The following PAPOLA variants were observed in gnomAD, a reference collection of about 807,000 sequenced individuals.
PAPOLA encodes poly(A) polymerase alpha, also known as polynucleotide adenylyltransferase alpha.
PAPOLA carries 15 observed loss-of-function variants against 100.6 expected under a neutral mutation model. That is an observed-to-expected ratio of 0.15 (90% CI 0.10 to 0.23). PAPOLA has a LOEUF of 0.23. Ranked by LOEUF, PAPOLA falls within the 10% of genes least tolerant of loss-of-function variation. The pLI is 1.00. For synonymous variants in PAPOLA, 293 were observed against 300.0 expected (o/e 0.98, Z 0.24); for missense variants, 533 against 884.2 (o/e 0.60, Z 5.04).
chr14:96,551,204 T>C (rs1291487457), intron 16 of PAPOLA, among the ~76,000 whole-genome samples: 1 of 152,244 alleles, frequency 6.6e-6, no homozygotes, highest in Non-Finnish European at 1.5e-5. Flanking sequence ...AGATAAACTT[T>C]CACAGTTTAT....
chr14:96,510,210 T>C (rs1897017647), intron 1 of PAPOLA, among the ~76,000 whole-genome samples: 2 of 152,166 alleles, frequency 1.3e-5, no homozygotes, highest in Non-Finnish European at 2.9e-5. Context: ...AAGAATAGTG[T>C]TTGTCATTTT....
chr14:96,519,592 CT>C (rs1483548263), intron 1 of PAPOLA, among the ~76,000 whole-genome samples: 2 of 152,156 alleles, frequency 1.3e-5, no homozygotes, highest in South Asian at 4.1e-4. Flanking sequence ...ATATTCAGTT[CT>C]TTCCCTTCAA....
intron 20 of PAPOLA, 124 bp from the exon 21 acceptor site, chr14:96,562,695 A>G: frequency 1.6e-6 from 1 of 607,640 alleles, no homozygotes; most frequent in Non-Finnish European, 3.0e-6. Context: ...TAATGTAGTC[A>G]CATCTTTCTC....
intron 17 of PAPOLA, among the ~76,000 whole-genome samples, chr14:96,555,029 C>T (rs564810012): frequency 8.6e-5 from 13 of 151,752 alleles, no homozygotes; most frequent in Non-Finnish European, 1.3e-4. Context: ...AGAGAAACTT[C>T]GGGGGAGTAA....
intron 7 of PAPOLA, chr14:96,531,980 G>A (rs1349317749): frequency 8.0e-7 from 1 of 1,243,606 alleles, no homozygotes; most frequent in Non-Finnish European, 1.0e-6. Context: ...TTGTTACTGT[G>A]CTCTTGAAGA....
At chr14:96,506,144 C>A (rs1896701119) in intron 1 of PAPOLA, among the ~76,000 whole-genome samples, 1 of 151,952 alleles carries the variant, frequency 6.6e-6, no homozygotes, top group Non-Finnish European at 1.5e-5. Flanking sequence ...CCTCGTGATC[C>A]CCCCCCACCT....
chr14:96,552,798 T>A, intron 17 of PAPOLA, 176 bp downstream of exon 17: 1 of 580,476 alleles, frequency 1.7e-6, no homozygotes, highest in Non-Finnish European at 3.0e-6. Context: ...TGGTTTTGTC[T>A]TGTCATACTT....
Position 96,555,877 on chromosome 14 carries a change from A to C in PAPOLA, c.1695A>C (p.Ala565=). The stretch of plus-strand genomic sequence containing the variant: ...ACAGTCCTGCTCCAGCTGTAACAGC[A>C]GCATCTGTGACCAACATACAGGCTA... ...GRNSPAPAVT[A]ASVTNIQATE... The change falls in exon 18 of 22, where the codon GCA becomes GCC. Residue 565 remains alanine (A), a synonymous_variant. Transcript: ENST00000216277. 1 of 1,608,234 alleles carries C rather than the reference A, an allele frequency of 6.2e-7. No individual in the cohort carries two copies. The highest frequency in any genetic ancestry group is 8.5e-7 in the Non-Finnish European group (1 of 1,175,530).
At chr14:96,555,778 T>C (rs1217204447) in intron 17 of PAPOLA, 69 bp from the exon 18 acceptor site, 13 of 769,478 alleles carry the variant, frequency 1.7e-5, no homozygotes, top group Non-Finnish European at 2.7e-5. Context: ...ATGTTATAGA[T>C]TATTGTAATT....
chr14:96,536,988 CAG>C lies in PAPOLA; in HGVS notation c.1045_1046del (p.Asp349Ter). The C allele has an allele frequency of 6.3e-7, 1 of 1,594,126 alleles. No homozygotes were observed. The highest frequency in any genetic ancestry group is 8.6e-7 in the Non-Finnish European group (1 of 1,162,008). ...GTTTTTAATTTAGGTCTTGCTATCA[CAG>C]ATGAAATTTTGCTGAGTAAGGCAGA... On this transcript the variant is annotated frameshift_variant, in exon 12 of 22. Coordinates refer to ENST00000216277, the MANE Select transcript of PAPOLA (RefSeq NM_032632.5). LOFTEE classifies it high-confidence loss of function.
intron 19 of PAPOLA, among the ~76,000 whole-genome samples, chr14:96,559,016 A>ATT (rs753986932): frequency 1.3e-4 from 17 of 131,374 alleles, no homozygotes; most frequent in Admixed American, 1.5e-4. Context: ...TTTCCCTGTA[A>ATT]TTTTTTTTTT....
chr14:96,556,354 G>T lies in PAPOLA; in HGVS notation c.1945G>T (p.Val649Phe), dbSNP rs1229720764. Residue 649 changes from valine (V) to phenylalanine (F), a missense_variant, in exon 19 of 22, where the codon GTC becomes TTC. Val to Phe is a conservative substitution (Grantham distance 50). Transcript: ENST00000216277. ...AAAAATACCTACTCCTATAGTAGGA[G>T]TCAAGAGGACATCCTCACCTCATAA... ...ATKIPTPIVG[V>F]KRTSSPHKEE... 1.2e-6 allele frequency: 2 copies of T among 1,613,828 alleles called. No homozygotes were observed. The highest frequency in any genetic ancestry group is 2.7e-5 in the African/African-American group (2 of 74,902).
intron 17 of PAPOLA, chr14:96,552,851 G>T: frequency 2.0e-6 from 1 of 490,608 alleles, no homozygotes; most frequent in Non-Finnish European, 3.7e-6. Context: ...AGTCAGATGT[G>T]AATGAATGTT....
At chr14:96,503,516 T>A (rs1164924232) in intron 1 of PAPOLA, among the ~76,000 whole-genome samples, 2 of 149,444 alleles carry the variant, frequency 1.3e-5, no homozygotes, top group Admixed American at 1.3e-4. Context: ...AGATTACGGA[T>A]TTTTTTTTTC....
intron 4 of PAPOLA, chr14:96,527,114 A>G (rs996594753): frequency 3.5e-6 from 1 of 282,742 alleles, no homozygotes; most frequent in South Asian, 6.6e-5. Context: ...GGCTATGACT[A>G]ATGACATCAA....
intron 7 of PAPOLA, chr14:96,532,002 A>G: frequency 8.1e-7 from 1 of 1,237,560 alleles, no homozygotes; most frequent in Non-Finnish European, 1.0e-6. Context: ...CAGTTCTTGG[A>G]AACTTTAGTG....
intron 1 of PAPOLA, among the ~76,000 whole-genome samples, chr14:96,512,098 C>T (rs545265559): frequency 8.5e-5 from 13 of 152,078 alleles, no homozygotes; most frequent in African/African-American, 1.2e-4. Flanking sequence ...TAATGGTGAA[C>T]GGTAGAATTA....
At position 96,535,885 on chromosome 14, in the gene PAPOLA, C is replaced by T. The variant is rs777468472; in HGVS notation, c.916C>T (p.Pro306Ser). The change falls in exon 11 of 22, where the codon CCC becomes TCC. Residue 306 changes from proline to serine, a missense_variant. By Grantham distance (74) the Pro-to-Ser change is moderately conservative (BLOSUM62 -1). Coordinates refer to ENST00000216277, the MANE Select transcript of PAPOLA (RefSeq NM_032632.5). ...TGGCTGTTGTTGTATGTAGGTAAAC[C>T]CCAGTGATAGGTACCATCTTATGCC... is the stretch of plus-strand genomic sequence containing the variant. The part of the protein sequence containing the change: ...NLPVWDPRVN[P>S]SDRYHLMPII... 6.3e-7 allele frequency: 1 copy of T among 1,587,524 alleles called. No homozygotes were observed. Among genetic ancestry groups the T allele is most frequent in the Admixed American group, 1.8e-5 (1 of 56,596 alleles).
intron 3 of PAPOLA, among the ~76,000 whole-genome samples, chr14:96,524,469 G>A (rs1162252271): frequency 6.6e-6 from 1 of 152,042 alleles, no homozygotes; most frequent in Non-Finnish European, 1.5e-5. Flanking sequence ...TCTCTGCTCT[G>A]CTGTCCCTTT....
Sources: allele counts gnomAD v4.1 joint callset (sites outside exome capture counted in the v4.1 genomes callset), GRCh38; gene constraint gnomAD v4.1.1; transcripts MANE v1.5; gene names NCBI Gene and HGNC (gene_info 2026-07-23, HGNC 2026-07-21).